Variants in ZNF536 observed in about 807,000 individuals in gnomAD.
The protein encoded by ZNF536 is zinc finger protein 536.
Under a neutral mutation model 84.5 loss-of-function variants are expected in ZNF536, and 13 were observed. The ratio of observed to expected loss-of-function variants is 0.15; its 90% CI spans 0.10 to 0.24. The LOEUF (loss-of-function observed/expected upper bound fraction) is 0.24. Ranked by LOEUF, ZNF536 falls within the 10% of genes least tolerant of loss-of-function variation. ZNF536 has a pLI of 1.00. For missense variants in ZNF536, 1,536 were observed against 1,747.5 expected, an observed-to-expected ratio of 0.88 and a Z score of 2.16; for synonymous variants, 811 against 742.5, an observed-to-expected ratio of 1.09 and a Z score of -1.50.
chr19:30,458,104 A>G (rs1022269549), intron 2 of ZNF536, among the ~76,000 whole-genome samples: 1 of 152,172 alleles, frequency 6.6e-6, no homozygotes, highest in African/African-American at 2.4e-5. Flanking sequence ...GGAAAGGCTG[A>G]GGGCGGAACG....
intron 3 of ZNF536, among the ~76,000 whole-genome samples, chr19:30,362,725 C>T (rs1479688858): frequency 4.6e-5 from 7 of 152,144 alleles, no homozygotes; most frequent in Admixed American, 3.9e-4. Flanking sequence ...CTCCTCCCCA[C>T]AAAGGACTGT....
intron 1 of ZNF536, among the ~76,000 whole-genome samples, chr19:30,258,655 C>T: frequency 6.6e-6 from 1 of 151,878 alleles, no homozygotes. Context: ...TTCTTTAGTA[C>T]ATAAGTCATA....
chr19:30,526,706 A>T, intron 2 of ZNF536, among the ~76,000 whole-genome samples: 1 of 139,306 alleles, frequency 7.2e-6, no homozygotes, highest in African/African-American at 2.7e-5. Context: ...CCTGGGCGAC[A>T]GAGCGAGACT....
At chr19:30,363,066 A>G (rs1417268097) in intron 3 of ZNF536, among the ~76,000 whole-genome samples, 1 of 152,124 alleles carries the variant, frequency 6.6e-6, no homozygotes, top group East Asian at 1.9e-4. Context: ...CTCAAAAAAA[A>G]AAAAGTGTGA....
At chr19:30,328,805 G>A (rs2047118361) in intron 2 of ZNF536, among the ~76,000 whole-genome samples, 1 of 152,208 alleles carries the variant, frequency 6.6e-6, no homozygotes, top group South Asian at 2.1e-4. Context: ...GTTGCCAGGG[G>A]CTTGGTGTAC....
chr19:30,321,940 C>T (rs2146258965), intron 2 of ZNF536, among the ~76,000 whole-genome samples: 1 of 152,152 alleles, frequency 6.6e-6, no homozygotes, highest in Non-Finnish European at 1.5e-5. Context: ...CCATGCCCGG[C>T]TAATTTTTGT....
At chr19:30,543,611 G>A (rs1338606661) in intron 3 of ZNF536, among the ~76,000 whole-genome samples, 1 of 152,226 alleles carries the variant, frequency 6.6e-6, no homozygotes. Context: ...TCCAGATGCA[G>A]AGGCCTTGGC....
At chr19:30,575,072 T>G (rs2046682136) in intron 1 of ZNF536, among the ~76,000 whole-genome samples, 1 of 152,188 alleles carries the variant, frequency 6.6e-6, no homozygotes, top group Admixed American at 6.5e-5. Context: ...GTGCAGGGGA[T>G]TACTGAGTTG....
In ZNF536 at chr19:30,549,271, G is replaced by A. The variant is rs138308449; in HGVS notation, c.3652G>A (p.Val1218Ile). 4.3e-5 allele frequency: 70 copies of A among 1,613,846 alleles called. No homozygotes were observed. The highest frequency in any genetic ancestry group is 4.3e-4 in the African/African-American group (32 of 75,076). Residue 1218 changes from valine (V) to isoleucine (I), a missense_variant, in exon 4 of 5, where the codon GTC becomes ATC. Coordinates refer to ENST00000355537, the MANE Select transcript of ZNF536 (RefSeq NM_014717.3). ...SLQPTGTSQP[V>I]QGLVSPLSQA... ...GCAGCCCACAGGCACCTCCCAGCCC[G>A]TCCAGGGACTGGTCTCACCTTTATC...
At chr19:30,702,701 C>T (rs948085692) in intron 1 of ZNF536, among the ~76,000 whole-genome samples, 1 of 152,200 alleles carries the variant, frequency 6.6e-6, no homozygotes, top group African/African-American at 2.4e-5. Context: ...GCTGCACTGA[C>T]CCAGGCTTCC....
At chr19:30,613,052 T>G (rs2048156044) in intron 1 of ZNF536, among the ~76,000 whole-genome samples, 1 of 152,214 alleles carries the variant, frequency 6.6e-6, no homozygotes, top group Admixed American at 6.5e-5. Context: ...TGCTATTTTC[T>G]TATGATTAGA....
Position 30,234,769 on chromosome 19 carries a change from A to ACGCG in ZNF536, c.-190+6097_-190+6098insGCGC, listed in dbSNP as rs1295065393. On this transcript the variant is annotated intron_variant, in intron 1 of 5. Coordinates refer to the ZNF536 transcript ENST00000585628. Reference sequence around the variant, plus strand: ...TACACACACACACACACACACACACACACACGCGCACACGCACCCCACACC... The same window carrying ACGCG: ...TACACACACACACACACACACACACACGCGCACACGCGCACACGCACCCCACACC... Among the ~76,000 whole-genome samples, 462 of 145,292 alleles carry ACGCG rather than the reference A, an allele frequency of 3.2e-3. 3 individuals carry two copies. Among genetic ancestry groups the ACGCG allele is most frequent in the African/African-American group, 0.011 (425 of 38,148 alleles).
intron 3 of ZNF536, among the ~76,000 whole-genome samples, chr19:30,366,398 A>ATCTATCTG: frequency 7.1e-6 from 1 of 140,898 alleles, no homozygotes; most frequent in East Asian, 2.2e-4. Context: ...CTATCTATCT[A>ATCTATCTG]TATCTATCTC....
At chr19:30,648,417 C>T (rs983130824) in intron 1 of ZNF536, among the ~76,000 whole-genome samples, 2 of 152,176 alleles carry the variant, frequency 1.3e-5, no homozygotes, top group African/African-American at 2.4e-5. Context: ...CCCACAGGCG[C>T]TCGACCTACA....
chr19:30,375,879 G>T (rs902999533), intron 1 of ZNF536, among the ~76,000 whole-genome samples: 1 of 152,180 alleles, frequency 6.6e-6, no homozygotes, highest in African/African-American at 2.4e-5. Context: ...GCGTGTGTGT[G>T]CGTGTGTGTG....
intron 1 of ZNF536, among the ~76,000 whole-genome samples, chr19:30,255,956 G>C (rs977488362): frequency 2.0e-5 from 3 of 152,212 alleles, no homozygotes; most frequent in African/African-American, 7.2e-5. Flanking sequence ...AGAGGCATTG[G>C]GCTGGGGGGA....
chr19:30,560,367 G>A (rs989626587), downstream of ZNF536, among the ~76,000 whole-genome samples: 3 of 151,266 alleles, frequency 2.0e-5, no homozygotes, highest in Non-Finnish European at 2.9e-5. Context: ...TATATAACAA[G>A]CCCACCTCCC....
intron 2 of ZNF536, among the ~76,000 whole-genome samples, chr19:30,471,933 A>T (rs540549893): frequency 5.9e-5 from 9 of 152,232 alleles, no homozygotes; most frequent in South Asian, 2.1e-4. Context: ...AACACCTTAG[A>T]ATAGCTTATT....
intron 2 of ZNF536, among the ~76,000 whole-genome samples, chr19:30,319,085 C>A (rs1452553336): frequency 1.3e-5 from 2 of 152,186 alleles, no homozygotes. Context: ...AGAGCGTTTT[C>A]CAGATCGTAG....
Sources: allele counts gnomAD v4.1 joint callset (sites outside exome capture counted in the v4.1 genomes callset), GRCh38; gene constraint gnomAD v4.1.1; transcripts MANE v1.5; gene names NCBI Gene and HGNC (gene_info 2026-07-23, HGNC 2026-07-21).